TDRD3: variants seen among roughly 807,000 people sequenced by gnomAD.
TDRD3 encodes the protein tudor domain-containing protein 3.
TDRD3 carries 45 observed loss-of-function variants against 86.7 expected under a neutral mutation model. The ratio of observed to expected loss-of-function variants is 0.52; its 90% CI spans 0.41 to 0.67. TDRD3 has a LOEUF of 0.67. Ranked by LOEUF, TDRD3 falls within the 30% of genes least tolerant of loss-of-function variation. TDRD3 has a pLI of 0.00. For missense variants in TDRD3, 814 were observed against 889.0 expected (o/e 0.92, Z 1.07); for synonymous variants, 298 against 301.7 (o/e 0.99, Z 0.13).
intron 1 of TDRD3, among the ~76,000 whole-genome samples, chr13:60,398,125 T>C (rs1953991259): frequency 6.6e-6 from 1 of 152,218 alleles, no homozygotes; most frequent in Admixed American, 6.5e-5. Flanking sequence ...TATGCGAAAT[T>C]AGGCAGTTTC....
chr13:60,475,056 A>G (rs971448201), intron 5 of TDRD3, among the ~76,000 whole-genome samples: 1 of 151,102 alleles, frequency 6.6e-6, no homozygotes, highest in African/African-American at 2.4e-5. Flanking sequence ...TCTTTTCTTT[A>G]TCTACTTTTA....
intron 8 of TDRD3, 29 bp downstream of exon 8, chr13:60,494,604 A>C (rs751586749): frequency 1.3e-6 from 2 of 1,597,402 alleles, no homozygotes; most frequent in Middle Eastern, 1.7e-4. Flanking sequence ...CCACAAATTT[A>C]AAGTGTTATT....
At chr13:60,553,780 C>T (rs1007616587) in intron 12 of TDRD3, among the ~76,000 whole-genome samples, 3 of 152,050 alleles carry the variant, frequency 2.0e-5, no homozygotes, top group Non-Finnish European at 4.4e-5. Flanking sequence ...CAATCACCTC[C>T]CACCAGGTCC....
chr13:60,552,436 C>G (rs1007668659), intron 12 of TDRD3, among the ~76,000 whole-genome samples: 1 of 152,222 alleles, frequency 6.6e-6, no homozygotes, highest in Non-Finnish European at 1.5e-5. Flanking sequence ...GCAGCTCTGC[C>G]CCTGTGGCTC....
chr13:60,516,122 T>C (rs2137694473), intron 10 of TDRD3, among the ~76,000 whole-genome samples: 1 of 152,338 alleles, frequency 6.6e-6, no homozygotes, highest in Middle Eastern at 3.4e-3. Context: ...TTAAAAAGTT[T>C]GTTTTTCTAA....
intron 1 of TDRD3, among the ~76,000 whole-genome samples, chr13:60,409,386 C>A (rs566948762): frequency 6.6e-6 from 1 of 152,336 alleles, no homozygotes; most frequent in East Asian, 1.9e-4. Flanking sequence ...GGTAGAGCCA[C>A]TGACAGCTTG....
intron 7 of TDRD3, among the ~76,000 whole-genome samples, chr13:60,486,226 G>A (rs1956432297): frequency 6.6e-6 from 1 of 151,860 alleles, no homozygotes; most frequent in South Asian, 2.1e-4. Flanking sequence ...ATACAATGTA[G>A]TAACTGAACA....
In TDRD3 at chr13:60,467,293, A is replaced by C. The variant is rs1324051885; in HGVS notation, c.409A>C (p.Asn137His). The C allele has an allele frequency of 6.2e-7, 1 of 1,613,936 alleles. No homozygotes were observed. Among genetic ancestry groups the C allele is most frequent in the Non-Finnish European group, 8.5e-7 (1 of 1,179,892 alleles). ...VKLSGIVDIK[N>H]GFLLLNDSNT... ...GCTCTCAGGCATTGTTGACATAAAA[A>C]ATGGATTCCTGCTCTTGAATGACTC... The change falls in exon 5 of 14, where the codon AAT (asparagine) becomes CAT (histidine). Residue 137 changes from asparagine to histidine, a missense_variant. Physicochemically the swap from Asn to His is moderately conservative, Grantham distance 68. Transcript: ENST00000377881.
At chr13:60,458,405 G>A (rs1485312411) in intron 3 of TDRD3, among the ~76,000 whole-genome samples, 1 of 152,186 alleles carries the variant, frequency 6.6e-6, no homozygotes, top group Admixed American at 6.5e-5. Context: ...AAGAGAAGGT[G>A]TCATGTCAAC....
chr13:60,532,339 T>C (rs1160184116), intron 11 of TDRD3, among the ~76,000 whole-genome samples: 1 of 152,118 alleles, frequency 6.6e-6, no homozygotes, highest in East Asian at 1.9e-4. Flanking sequence ...TCAGTTGTAG[T>C]GAGGAACTGT....
intron 10 of TDRD3, among the ~76,000 whole-genome samples, chr13:60,521,155 C>T (rs930261288): frequency 6.6e-6 from 1 of 152,120 alleles, no homozygotes; most frequent in Non-Finnish European, 1.5e-5. Flanking sequence ...TCTAAATCTA[C>T]CCTAATGTGC....
chr13:60,510,680 G>C lies in TDRD3; in HGVS notation c.1066G>C (p.Gly356Arg), dbSNP rs971404243. ...RIRSEDEEDL[G>R]NARPSAPSTL... The stretch of plus-strand genomic sequence containing the variant: ...AAGATCTGAAGATGAAGAGGACCTG[G>C]GAAATGCAAGGCCATCAGCACCAAG... Residue 356 changes from glycine (G) to arginine (R), a missense_variant, in exon 10 of 14, where the codon GGA becomes CGA. Gly to Arg is a moderately radical substitution (Grantham distance 125). Coordinates refer to ENST00000377881, the MANE Select transcript of TDRD3 (RefSeq NM_001146070.2). The C allele has an allele frequency of 8.1e-6, 13 of 1,606,524 alleles. No individual in the cohort carries two copies. The highest frequency in any genetic ancestry group is 1.1e-5 in the Non-Finnish European group (13 of 1,176,424).
At chr13:60,483,743 A>G in intron 5 of TDRD3, 32 bp from the exon 6 acceptor site, 1 of 1,583,532 alleles carries the variant, frequency 6.3e-7, no homozygotes. Context: ...TTTATGTATA[A>G]CTGCTCTTTT....
intron 3 of TDRD3, among the ~76,000 whole-genome samples, chr13:60,454,806 T>A (rs370564882): frequency 4.6e-5 from 7 of 152,112 alleles, no homozygotes; most frequent in South Asian, 2.1e-4. Context: ...TTTTTTTTTT[T>A]ATTTTTGTTT....
At chr13:60,418,666 C>T (rs922595799) in intron 1 of TDRD3, among the ~76,000 whole-genome samples, 5 of 152,144 alleles carry the variant, frequency 3.3e-5, no homozygotes, top group Admixed American at 2.0e-4. Flanking sequence ...TAGTTGTGTA[C>T]GTTTAAGTAA....
chr13:60,432,753 T>A (rs1278183196), intron 1 of TDRD3, among the ~76,000 whole-genome samples: 2 of 152,230 alleles, frequency 1.3e-5, no homozygotes, highest in Non-Finnish European at 2.9e-5. Context: ...AGTTATTTTT[T>A]AAATTATCTT....
At chr13:60,397,558 C>A (rs1208062705) in intron 1 of TDRD3, among the ~76,000 whole-genome samples, 153 bp downstream of exon 1, 1 of 149,770 alleles carries the variant, frequency 6.7e-6, no homozygotes, top group African/African-American at 2.4e-5. Flanking sequence ...GCTCCGCCCC[C>A]GGCGCCACGC....
chr13:60,511,767 G>C (rs1282793731), intron 10 of TDRD3, among the ~76,000 whole-genome samples: 1 of 151,934 alleles, frequency 6.6e-6, no homozygotes, highest in Non-Finnish European at 1.5e-5. Context: ...TTTTTGCTTG[G>C]TGTTGCCTGG....
intron 7 of TDRD3, among the ~76,000 whole-genome samples, chr13:60,491,206 G>A (rs1225480258): frequency 6.6e-6 from 1 of 152,070 alleles, no homozygotes; most frequent in East Asian, 1.9e-4. Flanking sequence ...AAATGAAGAA[G>A]TGTGGAGTGG....
Sources: gnomAD v4.1 joint callset for allele counts (sites outside exome capture counted in the v4.1 genomes callset) on GRCh38, gnomAD v4.1.1 for gene constraint, MANE v1.5 for transcripts, NCBI Gene and HGNC (gene_info 2026-07-23, HGNC 2026-07-21) for gene names.